ACER3: variants seen among roughly 807,000 people sequenced by gnomAD.
ACER3 encodes alkCDase 3.
A neutral mutation model predicts 48.9 loss-of-function variants in ACER3; 16 were observed. That is an observed-to-expected ratio of 0.33 (90% CI 0.22 to 0.50). The LOEUF is 0.50. Among genes scored for constraint, ACER3 ranks in the 20% least tolerant of loss-of-function variants. The pLI is 0.98. For synonymous variants in ACER3, 109 were observed against 107.8 expected, an observed-to-expected ratio of 1.01 and a Z score of -0.07; for missense variants, 227 against 326.0, an observed-to-expected ratio of 0.70 and a Z score of 2.34.
chr11:76,897,803 A>G (rs1391544538), intron 1 of ACER3, among the ~76,000 whole-genome samples: 1 of 152,208 alleles, frequency 6.6e-6, no homozygotes, highest in African/African-American at 2.4e-5. Flanking sequence ...TTGTCAGTTC[A>G]TCTTTTAGGT....
intron 2 of ACER3, among the ~76,000 whole-genome samples, chr11:76,933,977 G>A (rs1042662764): frequency 3.5e-4 from 53 of 151,576 alleles, no homozygotes; most frequent in South Asian, 2.3e-3. Flanking sequence ...ACGGGGTCGC[G>A]GCTGTGCAGA....
chr11:77,015,483 A>G (rs571868011), intron 8 of ACER3, among the ~76,000 whole-genome samples: 1 of 152,314 alleles, frequency 6.6e-6, no homozygotes, highest in Admixed American at 6.5e-5. Flanking sequence ...ATACACTTTC[A>G]TATGCTTAAT....
chr11:76,924,744 A>G (rs116603713), intron 1 of ACER3, among the ~76,000 whole-genome samples: 1,980 of 152,234 alleles, frequency 0.013, 52 homozygotes, highest in African/African-American at 0.046. Context: ...CAATATGGCT[A>G]TGTAAATAAT....
chr11:76,955,129 T>G (rs958246586), intron 2 of ACER3, among the ~76,000 whole-genome samples: 10 of 152,170 alleles, frequency 6.6e-5, no homozygotes, highest in African/African-American at 2.4e-4. Context: ...GTGATAAATA[T>G]TGGCAAGATG....
At chr11:76,951,276 T>G (rs1420125176) in intron 2 of ACER3, among the ~76,000 whole-genome samples, 1 of 152,236 alleles carries the variant, frequency 6.6e-6, no homozygotes, top group Non-Finnish European at 1.5e-5. Flanking sequence ...GCTCTTTTAC[T>G]TTTGTGTCTT....
At chr11:76,910,311 C>G (rs1400382630) in intron 1 of ACER3, among the ~76,000 whole-genome samples, 1 of 152,038 alleles carries the variant, frequency 6.6e-6, no homozygotes, top group East Asian at 1.9e-4. Flanking sequence ...AGATAAGTTA[C>G]TTAAGAGTAA....
intron 3 of ACER3, among the ~76,000 whole-genome samples, chr11:76,960,880 G>A (rs1232979628): frequency 2.0e-5 from 3 of 152,178 alleles, no homozygotes; most frequent in Admixed American, 6.5e-5. Context: ...TTTGACATGC[G>A]GTTGGAATCT....
At chr11:76,970,555 T>C (rs921906513) in intron 3 of ACER3, among the ~76,000 whole-genome samples, 2 of 152,154 alleles carry the variant, frequency 1.3e-5, no homozygotes, top group Non-Finnish European at 2.9e-5. Flanking sequence ...TGTGTGTTCA[T>C]ATTTGTATTT....
intron 1 of ACER3, among the ~76,000 whole-genome samples, chr11:76,905,805 A>T (rs1304789660): frequency 6.6e-6 from 1 of 152,266 alleles, no homozygotes; most frequent in Non-Finnish European, 1.5e-5. Flanking sequence ...TATTGATAAA[A>T]GCTATTTGCA....
intron 1 of ACER3, among the ~76,000 whole-genome samples, chr11:76,872,884 T>G (rs1945276264): frequency 6.7e-6 from 1 of 149,804 alleles, no homozygotes; most frequent in African/African-American, 2.5e-5. Context: ...TCTTTTTCTT[T>G]TCTTTCTTTC....
chr11:76,868,391 CTGTG>C (rs1166994217), intron 1 of ACER3: 3,442 of 174,568 alleles, frequency 0.02, 74 homozygotes, highest in African/African-American at 0.071. Flanking sequence ...CTCTCTCTCT[CTGTG>C]TGTGTGTGTG....
chr11:76,927,347 G>A (rs1211214576), intron 2 of ACER3, among the ~76,000 whole-genome samples: 7 of 152,220 alleles, frequency 4.6e-5, no homozygotes, highest in South Asian at 2.1e-4. Flanking sequence ...AGAGCCTAAC[G>A]TAGTGAAATC....
intron 1 of ACER3, among the ~76,000 whole-genome samples, chr11:76,871,412 A>G (rs904476576): frequency 3.3e-5 from 5 of 152,236 alleles, no homozygotes; most frequent in Admixed American, 2.6e-4. Context: ...CAATCAGTAC[A>G]TGTAAGGTAT....
chr11:77,008,365 G>A (rs115271310), intron 7 of ACER3, among the ~76,000 whole-genome samples: 176 of 152,252 alleles, frequency 1.2e-3, no homozygotes, highest in African/African-American at 4.2e-3. Context: ...TGATAGACAG[G>A]GTACCAATAC....
chr11:77,003,396 T>C (rs887977003), intron 7 of ACER3, among the ~76,000 whole-genome samples: 1 of 152,232 alleles, frequency 6.6e-6, no homozygotes, highest in Non-Finnish European at 1.5e-5. Flanking sequence ...TTGAGAGGGC[T>C]TGCAGTGATA....
Position 76,964,767 on chromosome 11 carries a change from G to T in ACER3, c.267+5736G>T, listed in dbSNP as rs547745170. Among the ~76,000 whole-genome samples, 16 of 151,452 alleles carry T rather than the reference G, an allele frequency of 1.1e-4. 1 individual carries two copies. The highest frequency in any genetic ancestry group is 3.9e-4 in the African/African-American group (16 of 40,732). ...AGCTGAGGGTCCTGACTGTTAGAAG[G>T]ACAACTAACAAACAGAAAGGACATC... On this transcript the variant is annotated intron_variant, in intron 3 of 10. Coordinates refer to ENST00000532485, the MANE Select transcript of ACER3 (RefSeq NM_018367.7).
intron 2 of ACER3, among the ~76,000 whole-genome samples, chr11:76,934,242 G>A (rs1047530432): frequency 2.6e-5 from 4 of 151,992 alleles, no homozygotes; most frequent in East Asian, 1.9e-4. Flanking sequence ...CGTCCTAGAC[G>A]ATGGGCAGCC....
intron 8 of ACER3, among the ~76,000 whole-genome samples, chr11:77,016,239 C>G (rs1408004963): frequency 6.6e-6 from 1 of 151,716 alleles, no homozygotes; most frequent in Non-Finnish European, 1.5e-5. Flanking sequence ...TTCAAACAAA[C>G]CAACTATTTA....
chr11:76,900,343 G>T (rs1249990911), intron 1 of ACER3, among the ~76,000 whole-genome samples: 2 of 152,160 alleles, frequency 1.3e-5, no homozygotes, highest in Non-Finnish European at 1.5e-5. Flanking sequence ...GGCAGGAGAG[G>T]CAGGCACAGT....
Sources: allele counts gnomAD v4.1 joint callset (sites outside exome capture counted in the v4.1 genomes callset), GRCh38; gene constraint gnomAD v4.1.1; transcripts MANE v1.5; gene names NCBI Gene and HGNC (gene_info 2026-07-23, HGNC 2026-07-21).